NCBP3: variants seen among roughly 807,000 people sequenced by gnomAD.
NCBP3 encodes the protein nuclear cap-binding protein subunit 3.
NCBP3 carries 20 observed loss-of-function variants against 75.7 expected under a neutral mutation model. The ratio of observed to expected loss-of-function variants is 0.26; its 90% CI spans 0.19 to 0.38. The LOEUF (loss-of-function observed/expected upper bound fraction) is 0.38. NCBP3 is among the 10% of genes least tolerant of loss of function. NCBP3 has a pLI of 1.00. For synonymous variants in NCBP3, 293 were observed against 290.5 expected (o/e 1.01, Z -0.09); for missense variants, 678 against 796.9 (o/e 0.85, Z 1.80).
rs2053773045 is a variant in NCBP3, at chr17:3,825,799, C to T, written c.655G>A (p.Glu219Lys). ...TCACTTGAGTTCTCATCTTCAACCT[C>T]TCCTTCTTCAGCTTCATCATCATCT... The part of the protein sequence containing the change: ...SSDDDEAEEG[E>K]VEDENSSDVE... The change falls in exon 6 of 13, where the codon GAG becomes AAG. Residue 219 changes from glutamate (E) to lysine (K), a missense_variant. Physicochemically the swap from Glu to Lys is moderately conservative, Grantham distance 56. This residue lies in a region of NCBP3 where 98 missense variants were observed against 101.8 expected (regional missense o/e 0.96). Coordinates refer to ENST00000389005, the MANE Select transcript of NCBP3 (RefSeq NM_001114118.3). 6 of 1,551,570 alleles carry T rather than the reference C, an allele frequency of 3.9e-6. No homozygotes were observed. The highest frequency in any genetic ancestry group is 5.2e-6 in the Non-Finnish European group (6 of 1,146,938).
intron 3 of NCBP3, among the ~76,000 whole-genome samples, chr17:3,833,113 T>G (rs560159761): frequency 6.6e-6 from 1 of 151,776 alleles, no homozygotes; most frequent in Non-Finnish European, 1.5e-5. Context: ...ATTAGCTGAG[T>G]GTGGTGGTGT....
Position 3,809,735 on chromosome 17 carries a change from T to C in NCBP3, c.*3309A>G, listed in dbSNP as rs192526404. The C allele has an allele frequency of 5.3e-5, 8 of 151,630 alleles. No homozygotes were observed. Among genetic ancestry groups the C allele is most frequent in the African/African-American group, 1.5e-4 (6 of 41,208 alleles). 9.4% of individuals were successfully genotyped at this position (151,630 alleles called of 1,614,324 possible). A position where few individuals can be genotyped will look rare whatever the true frequency, so the allele number is the denominator to read the frequency against. On this transcript the variant is annotated 3_prime_UTR_variant, in exon 13 of 13. Transcript: ENST00000389005. ...AATAAATAATAGAAATAGAAATATA[T>C]ATATATAGCCCTAAAGTAGAAACAA...
Position 3,818,584 on chromosome 17 carries a change from TA to T in NCBP3, c.1001-13del, listed in dbSNP as rs952443582. 3 of 1,585,888 alleles carry T rather than the reference TA, an allele frequency of 1.9e-6. No individual in the cohort carries two copies. The highest frequency in any genetic ancestry group is 2.7e-5 in the African/African-American group (2 of 74,224). On this transcript the variant is annotated splice_polypyrimidine_tract_variant and intron_variant, in intron 9 of 12. Coordinates refer to ENST00000389005, the MANE Select transcript of NCBP3 (RefSeq NM_001114118.3). The surrounding 1 kb of genome is among the most constrained non-coding windows in gnomAD (Gnocchi z 4.7). The stretch of plus-strand genomic sequence containing the variant: ...AACATTCACTAGCCCTGAAGAAATT[TA>T]ACCAGAAAACATTAGGAAAAGCACT...
chr17:3,824,367 TAC>T (rs2053733930), intron 7 of NCBP3: 1 of 131,952 alleles, frequency 7.6e-6, no homozygotes, highest in African/African-American at 3.3e-5. Context: ...CACACACACA[TAC>T]ACATACACAC....
At chr17:3,814,725 CAA>C (rs1337518841) in intron 11 of NCBP3, among the ~76,000 whole-genome samples, 3 of 150,972 alleles carry the variant, frequency 2.0e-5, no homozygotes, top group Admixed American at 1.3e-4. Context: ...TCTGAAGAAA[CAA>C]CCTTTTTTTT....
chr17:3,846,036 C>T lies in NCBP3; in HGVS notation c.183+5G>A. 5 of 1,546,336 alleles carry T rather than the reference C, an allele frequency of 3.2e-6. No individual in the cohort carries two copies. Among genetic ancestry groups the T allele is most frequent in the Non-Finnish European group, 4.4e-6 (5 of 1,144,642 alleles). ...TCTTCCTTACCCCCCGACCCCCGCC[C>T]GTACCGGGATCAGTTCCTTGAGCGA... On this transcript the variant is annotated splice_donor_5th_base_variant and intron_variant, in intron 1 of 12. Coordinates refer to ENST00000389005, the MANE Select transcript of NCBP3 (RefSeq NM_001114118.3). The surrounding 1 kb of genome is among the most constrained non-coding windows in gnomAD (Gnocchi z 4.6).
In NCBP3 at chr17:3,822,046, T is replaced by C. The variant is rs1459069319; in HGVS notation, c.803A>G (p.Lys268Arg). 5 of 1,603,904 alleles carry C rather than the reference T, an allele frequency of 3.1e-6. No homozygotes were observed. Among genetic ancestry groups the C allele is most frequent in the Non-Finnish European group, 4.3e-6 (5 of 1,173,394 alleles). The change falls in exon 8 of 13, where the codon AAA (lysine) becomes AGA (arginine). Residue 268 changes from lysine to arginine, a missense_variant. By Grantham distance (26) the Lys-to-Arg change is conservative. Transcript: ENST00000389005. ...LFMRFATKDDKKELGAARRSQ... is the reference protein window; with the variant it reads ...LFMRFATKDDRKELGAARRSQ... ...TCTTCTGGCTGCTCCAAGTTCCTTT[T>C]TGTCATCTAAAAATTAATGACAATA...
chr17:3,816,231 G>T lies in NCBP3; in HGVS notation c.1350C>A (p.Ile450=), dbSNP rs772956983. 6.2e-7 allele frequency: 1 copy of T among 1,614,134 alleles called. No individual in the cohort carries two copies. Among genetic ancestry groups the T allele is most frequent in the Admixed American group, 1.7e-5 (1 of 60,022 alleles). The change falls in exon 11 of 13, where the codon ATC becomes ATA. Residue 450 remains isoleucine, a synonymous_variant. Transcript: ENST00000389005. ...GTAATTTGTTACCAATTCGGTTTTT[G>T]ATATTGCTTGAAGATACACTATCTG... ...MRADSVSSSN[I]KNRIGNKLPP...
chr17:3,809,775 A>T lies in NCBP3; in HGVS notation c.*3269T>A, dbSNP rs2053381579. On this transcript the variant is annotated 3_prime_UTR_variant, in exon 13 of 13. Transcript: ENST00000389005. The stretch of plus-strand genomic sequence containing the variant: ...AGTAGAAACAACTCAAATGCCCATT[A>T]ACCAATGTGGATTAAAAAAAAGGTG... The T allele has an allele frequency of 6.6e-6, 1 of 152,240 alleles. No homozygotes were observed. The highest frequency in any genetic ancestry group is 1.5e-5 in the Non-Finnish European group (1 of 68,048). 9.4% of individuals were successfully genotyped at this position (152,240 alleles called of 1,614,324 possible).
At chr17:3,831,489 C>A (rs1356881343) in intron 3 of NCBP3, among the ~76,000 whole-genome samples, 1 of 147,076 alleles carries the variant, frequency 6.8e-6, no homozygotes, top group South Asian at 2.3e-4. Flanking sequence ...AGGAGAATGG[C>A]GTGAACCCGG....
At chr17:3,827,840 T>C (rs2053814559) in intron 4 of NCBP3, among the ~76,000 whole-genome samples, 1 of 152,224 alleles carries the variant, frequency 6.6e-6, no homozygotes, top group African/African-American at 2.4e-5. Context: ...ACCTGTTGTT[T>C]ATTTACATTT....
rs1302071689 is a variant in NCBP3, at chr17:3,834,146, A to G, written c.356-4778T>C. ...GAATTTTAGGTGAGCACAACTGACC[A>G]AGGCACACATGTAGGAGAGAGACGG... On this transcript the variant is annotated intron_variant, in intron 3 of 12. Coordinates refer to ENST00000389005, the MANE Select transcript of NCBP3 (RefSeq NM_001114118.3). 3.3e-5 allele frequency among the ~76,000 whole-genome samples: 5 copies of G among 152,344 alleles called. No individual in the cohort carries two copies. The South Asian group carries it at 1.0e-3, about 32-fold the overall frequency.
At position 3,821,934 on chromosome 17, in the gene NCBP3, T is replaced by G. The variant is rs1417818304; in HGVS notation, c.896+19A>C. On this transcript the variant is annotated intron_variant, in intron 8 of 12. Coordinates refer to ENST00000389005, the MANE Select transcript of NCBP3 (RefSeq NM_001114118.3). ...AAGAAAAACTCAAATACTATTGCAT[T>G]TGAAGGTTTTGGACTCACCATGAAT... The G allele has an allele frequency of 6.6e-7, 1 of 1,504,586 alleles. No homozygotes were observed. The highest frequency in any genetic ancestry group is 1.4e-5 in the African/African-American group (1 of 72,190). The allele number at this position is 1,504,586 out of a possible 1,614,324, so 93.2% of individuals were successfully genotyped here. A position where few individuals can be genotyped will look rare whatever the true frequency, so the allele number is the denominator to read the frequency against.
At position 3,831,529 on chromosome 17, in the gene NCBP3, C is replaced by T. The variant is rs1197779941; in HGVS notation, c.356-2161G>A. 4.8e-5 allele frequency among the ~76,000 whole-genome samples: 6 copies of T among 125,436 alleles called. 1 individual carries two copies. The highest frequency in any genetic ancestry group is 1.6e-4 in the Admixed American group (2 of 12,662). The allele number at this position is 125,436 out of a possible 152,430, so 82.3% of individuals were successfully genotyped here. On this transcript the variant is annotated intron_variant, in intron 3 of 12. Coordinates refer to ENST00000389005, the MANE Select transcript of NCBP3 (RefSeq NM_001114118.3). ...CGGAGCTTGCAGTGAGCCAAAATCG[C>T]GCCACTGCACTCCAGCCTAGCGACG...
intron 3 of NCBP3, among the ~76,000 whole-genome samples, chr17:3,829,725 G>A (rs1187005584): frequency 6.6e-6 from 1 of 152,202 alleles, no homozygotes; most frequent in African/African-American, 2.4e-5. Context: ...ATTTTTAAAT[G>A]TATGTTAAAG....
Position 3,818,417 on chromosome 17 carries a change from G to A in NCBP3, c.1156C>T (p.Arg386Trp), listed in dbSNP as rs372415582. ...GCACTGGATCGTCTAGACGCGCTCC[G>A]CTCCCGGGGCTGCTTGAGAGCCGGG... Reference protein sequence around the residue: ...ELPALKQPRERSASRRSSASS... With the variant: ...ELPALKQPREWSASRRSSASS... The change falls in exon 10 of 13, where the codon CGG becomes TGG. Residue 386 changes from arginine to tryptophan, a missense_variant. By Grantham distance (101) the Arg-to-Trp change is moderately radical. Around this residue, in one of 7 missense-constraint regions of NCBP3, gnomAD observed 365 missense variants for 392.7 expected, o/e 0.93. Coordinates refer to ENST00000389005, the MANE Select transcript of NCBP3 (RefSeq NM_001114118.3). This position sits in a 1 kb window ranked among gnomAD's most constrained non-coding sequence, Gnocchi z 4.7. 15 of 1,613,908 alleles carry A rather than the reference G, an allele frequency of 9.3e-6. No homozygotes were observed. The highest frequency in any genetic ancestry group is 4.0e-5 in the African/African-American group (3 of 74,880).
rs2053772564 is a variant in NCBP3, at chr17:3,825,778, T to C, written c.676A>G (p.Ser226Gly). 1.9e-6 allele frequency: 3 copies of C among 1,550,212 alleles called. No homozygotes were observed. The highest frequency in any genetic ancestry group is 1.4e-5 in the African/African-American group (1 of 73,024). The change falls in exon 6 of 13, where the codon AGT becomes GGT. Residue 226 changes from serine (S) to glycine (G), a missense_variant. Ser to Gly is a moderately conservative substitution (Grantham distance 56). Around this residue, in one of 7 missense-constraint regions of NCBP3, gnomAD observed 98 missense variants for 101.8 expected, o/e 0.96. Transcript: ENST00000389005. ...EEGEVEDENSSDVELDTLSQV... is the reference protein window; with the variant it reads ...EEGEVEDENSGDVELDTLSQV... The stretch of plus-strand genomic sequence containing the variant: ...CCCCTATTACTAACCTCTACATCAC[T>C]TGAGTTCTCATCTTCAACCTCTCCT...
At chr17:3,838,489 G>A (rs927453844) in intron 3 of NCBP3, among the ~76,000 whole-genome samples, 2 of 152,230 alleles carry the variant, frequency 1.3e-5, no homozygotes, top group Non-Finnish European at 2.9e-5. Flanking sequence ...AAGCAAGGGC[G>A]TGTTTCTGAC....
At position 3,814,404 on chromosome 17, in the gene NCBP3, G is replaced by C. The variant is rs774197585; in HGVS notation, c.1545C>G (p.Pro515=). Residue 515 remains proline (P), a synonymous_variant, in exon 12 of 13, where the codon CCC becomes CCG. Coordinates refer to ENST00000389005, the MANE Select transcript of NCBP3 (RefSeq NM_001114118.3). The part of the protein sequence containing the change: ...FSSNPVVRRE[P]SSDVHSRLGV... ...CTAGCCTACTATGCACATCAGAAGA[G>C]GGCTCTCTCCGAACGACGGGGTTAC... 6.2e-7 allele frequency: 1 copy of C among 1,614,184 alleles called. No homozygotes were observed. Among genetic ancestry groups the C allele is most frequent in the East Asian group, 2.2e-5 (1 of 44,882 alleles).
Sources: gnomAD v4.1 joint callset for allele counts (sites outside exome capture counted in the v4.1 genomes callset) on GRCh38, gnomAD v4.1.1 for gene constraint, gnomAD v4.1.1 regional missense constraint, Gnocchi (gnomAD v3.1) non-coding constraint, MANE v1.5 for transcripts, NCBI Gene and HGNC (gene_info 2026-07-23, HGNC 2026-07-21) for gene names.